ZNF367: variants seen among roughly 807,000 people sequenced by gnomAD.
ZNF367 encodes the protein zinc finger protein 367.
ZNF367 carries 11 observed loss-of-function variants against 31.8 expected under a neutral mutation model. That is an observed-to-expected ratio of 0.35 (90% CI 0.22 to 0.57). The LOEUF (loss-of-function observed/expected upper bound fraction) is 0.57, where lower values mean the gene tolerates loss of function less well. ZNF367 is among the 20% of genes least tolerant of loss of function. ZNF367 has a pLI of 0.85. For missense variants in ZNF367, 353 were observed against 484.1 expected, an observed-to-expected ratio of 0.73 and a Z score of 2.54; for synonymous variants, 199 against 202.4, an observed-to-expected ratio of 0.98 and a Z score of 0.14.
chr9:96,402,844 T>C (rs572311700), intron 1 of ZNF367, among the ~76,000 whole-genome samples: 3 of 152,146 alleles, frequency 2.0e-5, no homozygotes, highest in South Asian at 4.1e-4. Context: ...ACATAGACCA[T>C]ACGTTAGACC....
chr9:96,390,619 C>G (rs1252305578), intron 4 of ZNF367, among the ~76,000 whole-genome samples: 1 of 152,076 alleles, frequency 6.6e-6, no homozygotes, highest in Non-Finnish European at 1.5e-5. Context: ...TGCGGTGGCT[C>G]ATGCCTGTAA....
intron 1 of ZNF367, among the ~76,000 whole-genome samples, chr9:96,414,137 C>T (rs1831786751): frequency 6.6e-6 from 1 of 152,162 alleles, no homozygotes; most frequent in Non-Finnish European, 1.5e-5. Context: ...TAAGCAACTT[C>T]CTTATTTTTT....
Position 96,386,522 on chromosome 9 carries a change from G to A in ZNF367, c.*1715C>T, listed in dbSNP as rs915072221. On this transcript the variant is annotated 3_prime_UTR_variant, in exon 5 of 5. Coordinates refer to ENST00000375256, the MANE Select transcript of ZNF367 (RefSeq NM_153695.4). The stretch of plus-strand genomic sequence containing the variant: ...TATAGTCTCTCTTACCAGCTTATAA[G>A]TGCTCCAAATTAAAATTCTATATAC... 1 of 151,958 alleles carries A rather than the reference G, an allele frequency of 6.6e-6. No homozygotes were observed. The highest frequency in any genetic ancestry group is 1.5e-5 in the Non-Finnish European group (1 of 67,954). The allele number at this position is 151,958 out of a possible 1,614,324, so 9.4% of individuals were successfully genotyped here. A position where few individuals can be genotyped will look rare whatever the true frequency, so the allele number is the denominator to read the frequency against.
At position 96,401,592 on chromosome 9, in the gene ZNF367, G is replaced by T. The variant is rs11496642; in HGVS notation, c.421-3278C>A. On this transcript the variant is annotated intron_variant, in intron 1 of 4. Transcript: ENST00000375256. The stretch of plus-strand genomic sequence containing the variant: ...GAATTACTTGAACCTGGGAGGCAGA[G>T]GTTGCGGTGAGCCAAGATCGCACCA... 8.1e-3 allele frequency among the ~76,000 whole-genome samples: 1,233 copies of T among 151,362 alleles called. 10 individuals carry two copies. The highest frequency in any genetic ancestry group is 0.014 in the Non-Finnish European group (956 of 67,904).
chr9:96,406,186 C>T (rs960319585), intron 1 of ZNF367, among the ~76,000 whole-genome samples: 5 of 152,092 alleles, frequency 3.3e-5, no homozygotes, highest in African/African-American at 1.2e-4. Context: ...AACTTTCACA[C>T]ATACAAGTTA....
chr9:96,415,511 TTTTTG>T, intron 1 of ZNF367, among the ~76,000 whole-genome samples: 1 of 129,216 alleles, frequency 7.7e-6, no homozygotes, highest in African/African-American at 3.0e-5. Context: ...TTTTTTTTTT[TTTTTG>T]AGACGGAGTC....
rs1229303482 is a variant in ZNF367 at position 96,386,830 on chromosome 9, A to G, written c.*1407T>C. On this transcript the variant is annotated 3_prime_UTR_variant, in exon 5 of 5. Coordinates refer to ENST00000375256, the MANE Select transcript of ZNF367 (RefSeq NM_153695.4). ...GCCTACTTTGTAATGTTTAAACTAC[A>G]TCTGTAGGAACGTCTTCAACTCAAA... The G allele has an allele frequency of 6.6e-6, 1 of 152,126 alleles. No homozygotes were observed. Among genetic ancestry groups the G allele is most frequent in the African/African-American group, 2.4e-5 (1 of 41,426 alleles). 9.4% of individuals were successfully genotyped at this position (152,126 alleles called of 1,614,324 possible). A position where few individuals can be genotyped will look rare whatever the true frequency, so the allele number is the denominator to read the frequency against.
At chr9:96,403,086 C>A (rs909627858) in intron 1 of ZNF367, among the ~76,000 whole-genome samples, 2 of 152,090 alleles carry the variant, frequency 1.3e-5, no homozygotes. Flanking sequence ...TCTCCTGCCT[C>A]AGCCTCCTGA....
At chr9:96,389,551 C>T (rs1467396492) in intron 4 of ZNF367, among the ~76,000 whole-genome samples, 2 of 151,570 alleles carry the variant, frequency 1.3e-5, no homozygotes, top group Non-Finnish European at 2.9e-5. Context: ...ACAAAGGGGG[C>T]ACGAAGAAAC....
intron 1 of ZNF367, among the ~76,000 whole-genome samples, chr9:96,407,100 G>A (rs1831680341): frequency 6.6e-6 from 1 of 151,024 alleles, no homozygotes; most frequent in South Asian, 2.1e-4. Flanking sequence ...TGATAGGGTC[G>A]CTTGAGGCCG....
At chr9:96,406,035 C>G (rs1433858200) in intron 1 of ZNF367, among the ~76,000 whole-genome samples, 2 of 152,198 alleles carry the variant, frequency 1.3e-5, no homozygotes, top group Non-Finnish European at 2.9e-5. Flanking sequence ...AAATGTACCA[C>G]ATTAGTGTAA....
chr9:96,400,268 A>G (rs1350668542), intron 1 of ZNF367, among the ~76,000 whole-genome samples: 1 of 151,620 alleles, frequency 6.6e-6, no homozygotes. Context: ...GCATGGTGGC[A>G]CTTCTCCCAA....
intron 1 of ZNF367, chr9:96,407,829 G>A: frequency 1.2e-6 from 1 of 862,310 alleles, no homozygotes; most frequent in Non-Finnish European, 1.8e-6. Context: ...TAGCCAGGAT[G>A]GTCTCGATCT....
intron 4 of ZNF367, 84 bp from the exon 5 acceptor site, chr9:96,388,543 C>G: frequency 1.7e-6 from 2 of 1,209,366 alleles, no homozygotes; most frequent in Non-Finnish European, 2.3e-6. Flanking sequence ...TTCCATACCA[C>G]AATATTACTT....
At chr9:96,412,245 T>C (rs1161725995) in intron 1 of ZNF367, among the ~76,000 whole-genome samples, 1 of 152,194 alleles carries the variant, frequency 6.6e-6, no homozygotes, top group Non-Finnish European at 1.5e-5. Flanking sequence ...GTCAAGACTG[T>C]TGACGATTCG....
At chr9:96,414,590 G>A (rs942756449) in intron 1 of ZNF367, among the ~76,000 whole-genome samples, 12 of 152,158 alleles carry the variant, frequency 7.9e-5, no homozygotes, top group African/African-American at 2.9e-4. Context: ...TGATTCTCCT[G>A]CCTTAGCCTC....
chr9:96,408,581 C>T (rs978657902), intron 1 of ZNF367, among the ~76,000 whole-genome samples: 1 of 152,074 alleles, frequency 6.6e-6, no homozygotes, highest in Admixed American at 6.6e-5. Context: ...TCATCAAACT[C>T]TTAGAAGAGT....
In ZNF367 at chr9:96,405,114, G is replaced by A. The variant is rs1023291017; in HGVS notation, c.421-6800C>T. Among the ~76,000 whole-genome samples, 12 of 152,004 alleles carry A rather than the reference G, an allele frequency of 7.9e-5. 1 individual carries two copies. Among genetic ancestry groups the A allele is most frequent in the Non-Finnish European group, 7.4e-5 (5 of 68,002 alleles). On this transcript the variant is annotated intron_variant, in intron 1 of 4. Coordinates refer to ENST00000375256, the MANE Select transcript of ZNF367 (RefSeq NM_153695.4). ...AGGTGGGTGGATCACCTGAGGTCAG[G>A]AGTTCAAGACCAGCCTGGCCAACAT...
chr9:96,392,483 C>T lies in ZNF367; in HGVS notation c.745G>A (p.Ala249Thr), dbSNP rs1358349823. Reference sequence around the variant, plus strand: ...GTGGGCTCCTCTCTCTTCAGCCTGGCGTAGGGGTGCTTCGGACAGTGGCGG... The same window carrying T: ...GTGGGCTCCTCTCTCTTCAGCCTGGTGTAGGGGTGCTTCGGACAGTGGCGG... ...ANRHCPKHPYARLKREEPTDT... is the reference protein window; with the variant it reads ...ANRHCPKHPYTRLKREEPTDT... The change falls in exon 4 of 5, where the codon GCC (alanine) becomes ACC (threonine). Residue 249 changes from alanine (A) to threonine (T), a missense_variant. Ala to Thr is a moderately conservative substitution (Grantham distance 58). Transcript: ENST00000375256. 7 of 1,613,330 alleles carry T rather than the reference C, an allele frequency of 4.3e-6. No homozygotes were observed. Among genetic ancestry groups the T allele is most frequent in the Non-Finnish European group, 4.2e-6 (5 of 1,179,370 alleles).
Sources: gnomAD v4.1 joint callset for allele counts (sites outside exome capture counted in the v4.1 genomes callset) on GRCh38, gnomAD v4.1.1 for gene constraint, MANE v1.5 for transcripts, NCBI Gene and HGNC (gene_info 2026-07-23, HGNC 2026-07-21) for gene names.